RTN4RL1: variants seen among roughly 807,000 people sequenced by gnomAD.
RTN4RL1 encodes reticulon 4 receptor like 1.
RTN4RL1 carries 7 observed loss-of-function variants against 25.6 expected under a neutral mutation model. The observed-to-expected ratio is 0.27, with a 90% CI of 0.16 to 0.51. The LOEUF (loss-of-function observed/expected upper bound fraction) is 0.51. Among genes scored for constraint, RTN4RL1 ranks in the 20% least tolerant of loss-of-function variants. The pLI is 0.97. For missense variants in RTN4RL1, 500 were observed against 615.6 expected (o/e 0.81, Z 1.99); for synonymous variants, 297 against 288.2 (o/e 1.03, Z -0.31).
Position 1,936,616 on chromosome 17 carries a change from G to C in RTN4RL1, c.1206C>G (p.Gly402=). The change falls in exon 2 of 2, where the codon GGC becomes GGG. Residue 402 remains glycine (G), a synonymous_variant. Transcript: ENST00000331238. ...GGATGGGGGTCCTGCGGGCACACTT[G>C]CCCTTCCTCTTGGGCCGGGCCGTAG... The part of the protein sequence containing the change: ...IMPTARPKRK[G]KCARRTPIRA... 1 of 1,593,414 alleles carries C rather than the reference G, an allele frequency of 6.3e-7. No homozygotes were observed. Among genetic ancestry groups the C allele is most frequent in the Non-Finnish European group, 8.5e-7 (1 of 1,170,812 alleles).
rs1309699041 is a variant in RTN4RL1, at chr17:1,969,499, AT to A, written c.14-31692del. The stretch of plus-strand genomic sequence containing the variant: ...AGACCAACCAGAGAGAAAGCCAAAT[AT>A]GCTCCCCTAGCCGATCACAGTGGAT... On this transcript the variant is annotated intron_variant, in intron 1 of 1. Coordinates refer to ENST00000331238, the MANE Select transcript of RTN4RL1 (RefSeq NM_178568.4). Among the ~76,000 whole-genome samples, 18 of 152,222 alleles carry A rather than the reference AT, an allele frequency of 1.2e-4. No individual in the cohort carries two copies. The South Asian group carries it at 2.7e-3, about 23-fold the overall frequency.
intron 1 of RTN4RL1, among the ~76,000 whole-genome samples, chr17:2,006,966 A>G (rs551700492): frequency 2.6e-5 from 4 of 151,928 alleles, no homozygotes; most frequent in African/African-American, 9.7e-5. Flanking sequence ...GAGGTACAGG[A>G]AGAGGTTGGC....
chr17:1,989,164 C>T lies in RTN4RL1; in HGVS notation c.13+35689G>A, dbSNP rs191491348. Among the ~76,000 whole-genome samples, 8 of 152,062 alleles carry T rather than the reference C, an allele frequency of 5.3e-5. No homozygotes were observed. The East Asian group carries it at 1.2e-3, about 22-fold the overall frequency. On this transcript the variant is annotated intron_variant, in intron 1 of 1. Coordinates refer to ENST00000331238, the MANE Select transcript of RTN4RL1 (RefSeq NM_178568.4). ...TAGGACCCTGGTTTAAGACGGTTAG[C>T]GGCGGCGGGGGAAACGGAGAGGAGG...
At chr17:2,012,942 C>T (rs575632928) in intron 1 of RTN4RL1, among the ~76,000 whole-genome samples, 51 of 152,204 alleles carry the variant, frequency 3.4e-4, no homozygotes, top group Admixed American at 5.9e-4. Context: ...TATAGGCACA[C>T]GCCACCATGC....
intron 1 of RTN4RL1, among the ~76,000 whole-genome samples, chr17:1,972,745 C>T (rs1157798789): frequency 6.6e-6 from 1 of 152,238 alleles, no homozygotes; most frequent in Admixed American, 6.5e-5. Context: ...GTCCTTCTCA[C>T]TTTCCAGACA....
intron 1 of RTN4RL1, among the ~76,000 whole-genome samples, chr17:1,989,884 C>T (rs2151318856): frequency 6.6e-6 from 1 of 151,494 alleles, no homozygotes; most frequent in East Asian, 1.9e-4. Context: ...AGTGTCATTT[C>T]AAGAAGGAGA....
At chr17:1,957,582 T>G (rs1459830774) in intron 1 of RTN4RL1, among the ~76,000 whole-genome samples, 4 of 152,174 alleles carry the variant, frequency 2.6e-5, no homozygotes, top group Non-Finnish European at 4.4e-5. Flanking sequence ...GGCTCACACC[T>G]GTAATCCCAG....
chr17:1,998,790 G>A lies in RTN4RL1; in HGVS notation c.13+26063C>T, dbSNP rs1048836638. Among the ~76,000 whole-genome samples the A allele has an allele frequency of 6.6e-6, 1 of 151,960 alleles. No individual in the cohort carries two copies. Among genetic ancestry groups the A allele is most frequent in the African/African-American group, 2.4e-5 (1 of 41,386 alleles). ...CACGGGGACCCCGGGGTGGGGGTGGGGGTGGGGCTCTGCGAGGGCCCTAAA... is the reference window on the plus strand; with the variant it reads ...CACGGGGACCCCGGGGTGGGGGTGGAGGTGGGGCTCTGCGAGGGCCCTAAA... On this transcript the variant is annotated intron_variant, in intron 1 of 1. Transcript: ENST00000331238. This position sits in a 1 kb window ranked among gnomAD's most constrained non-coding sequence, Gnocchi z 4.9.
chr17:1,939,033 G>A (rs1915375707), intron 1 of RTN4RL1, among the ~76,000 whole-genome samples: 1 of 150,284 alleles, frequency 6.7e-6, no homozygotes, highest in African/African-American at 2.5e-5. Context: ...GTGACAAAGT[G>A]AGATTCTGTC....
chr17:1,968,074 G>A (rs1305810962), intron 1 of RTN4RL1, among the ~76,000 whole-genome samples: 1 of 152,064 alleles, frequency 6.6e-6, no homozygotes, highest in Non-Finnish European at 1.5e-5. Context: ...CCCCTGGCAT[G>A]GGCACCTCTT....
At chr17:1,996,413 C>A (rs2066929734) in intron 1 of RTN4RL1, among the ~76,000 whole-genome samples, 1 of 149,894 alleles carries the variant, frequency 6.7e-6, no homozygotes, top group Non-Finnish European at 1.5e-5. Context: ...CAAGGTCCCC[C>A]TGCAGAGGGC....
chr17:2,005,827 C>T (rs1279812184), intron 1 of RTN4RL1, among the ~76,000 whole-genome samples: 24 of 148,256 alleles, frequency 1.6e-4, no homozygotes, highest in Middle Eastern at 3.5e-3. Flanking sequence ...CACAGAGTCT[C>T]GCCGTGTCGC....
intron 1 of RTN4RL1, among the ~76,000 whole-genome samples, chr17:1,999,142 TACACAC>T (rs147931732): frequency 7.9e-4 from 117 of 147,950 alleles, no homozygotes; most frequent in Non-Finnish European, 1.2e-3. Context: ...GTGCTCATCA[TACACAC>T]ACACACACAC....
chr17:1,964,710 C>T lies in RTN4RL1; in HGVS notation c.14-26902G>A, dbSNP rs867698185. On this transcript the variant is annotated intron_variant, in intron 1 of 1. Transcript: ENST00000331238. Reference sequence around the variant, plus strand: ...TCACACCAGTGCACTCCAGCCTGGGCGACAGAGCAAGAACCTGTCTCTAAA... The same window carrying T: ...TCACACCAGTGCACTCCAGCCTGGGTGACAGAGCAAGAACCTGTCTCTAAA... 6.6e-5 allele frequency among the ~76,000 whole-genome samples: 10 copies of T among 151,136 alleles called. No homozygotes were observed. In the East Asian group the frequency reaches 7.8e-4, roughly 12 times the overall value.
intron 1 of RTN4RL1, among the ~76,000 whole-genome samples, chr17:1,962,192 A>G (rs1385707469): frequency 6.7e-6 from 1 of 150,260 alleles, no homozygotes; most frequent in Non-Finnish European, 1.5e-5. Context: ...AGGTGGGAGG[A>G]TTGCTTGAGC....
intron 1 of RTN4RL1, among the ~76,000 whole-genome samples, chr17:1,971,745 G>A (rs187228457): frequency 0.018 from 2,719 of 151,878 alleles, 31 homozygotes; most frequent in Non-Finnish European, 0.029. Flanking sequence ...GGTGGATCAC[G>A]AGGTCAGGAG....
chr17:2,004,139 C>T (rs1196076741), intron 1 of RTN4RL1, among the ~76,000 whole-genome samples: 3 of 151,526 alleles, frequency 2.0e-5, no homozygotes, highest in Non-Finnish European at 2.9e-5. Context: ...GAGGCCGAGG[C>T]GGGTGGATCA....
intron 1 of RTN4RL1, among the ~76,000 whole-genome samples, chr17:2,017,468 GCACA>G (rs973408708): frequency 6.6e-6 from 1 of 152,306 alleles, no homozygotes; most frequent in East Asian, 1.9e-4. Context: ...CTGACATGTG[GCACA>G]CACAGCGCTG....
chr17:1,938,979 G>A (rs1915374226), intron 1 of RTN4RL1, among the ~76,000 whole-genome samples: 1 of 151,920 alleles, frequency 6.6e-6, no homozygotes, highest in Non-Finnish European at 1.5e-5. Context: ...CTGGGAGGCG[G>A]AGGTTGCAGT....
Sources: allele counts gnomAD v4.1 joint callset (sites outside exome capture counted in the v4.1 genomes callset), GRCh38; gene constraint gnomAD v4.1.1; non-coding constraint Gnocchi (gnomAD v3.1); transcripts MANE v1.5; gene names NCBI Gene and HGNC (gene_info 2026-07-23, HGNC 2026-07-21).